The following GLB1L3 variants were observed in gnomAD, a reference collection of about 807,000 sequenced individuals.
The protein encoded by GLB1L3 is galactosidase beta 1 like 3.
A neutral mutation model predicts 89.5 loss-of-function variants in GLB1L3; 89 were observed. That is an observed-to-expected ratio of 0.99 (90% confidence interval 0.84 to 1.19). The LOEUF (loss-of-function observed/expected upper bound fraction) is 1.19, where lower values mean the gene tolerates loss of function less well. Ranked by LOEUF, GLB1L3 falls within the 50% of genes most tolerant of loss-of-function variation. GLB1L3 has a pLI of 0.00. For synonymous variants in GLB1L3, 314 were observed against 312.3 expected (o/e 1.01, Z -0.06); for missense variants, 812 against 813.3 (o/e 1.00, Z 0.02).
Position 134,276,504 on chromosome 11 carries a change from C to T in GLB1L3, c.-237C>T. 2 of 380,452 alleles carry T rather than the reference C, an allele frequency of 5.3e-6. No individual in the cohort carries two copies. The highest frequency in any genetic ancestry group is 9.3e-6 in the Non-Finnish European group (2 of 215,772). The allele number at this position is 380,452 out of a possible 1,614,324, so 23.6% of individuals were successfully genotyped here. ...CGCGCCCGGACGCACTGCGGGAACA[C>T]CTGGAGCGCCGGCGGAGCTCGGCTG... On this transcript the variant is annotated 5_prime_UTR_variant, in exon 1 of 20. Transcript: ENST00000431683.
chr11:134,308,386 CCAT>C (rs1942423973), intron 10 of GLB1L3, among the ~76,000 whole-genome samples: 4 of 70,948 alleles, frequency 5.6e-5, no homozygotes, highest in Non-Finnish European at 1.1e-4. Flanking sequence ...ACCATCACCA[CCAT>C]CACCACCATC....
chr11:134,285,755 G>C (rs1450837335), intron 6 of GLB1L3, among the ~76,000 whole-genome samples: 1 of 152,150 alleles, frequency 6.6e-6, no homozygotes, highest in Non-Finnish European at 1.5e-5. Context: ...CTGGGTGACA[G>C]AGCAAGACCT....
chr11:134,294,348 G>A (rs1452188365), intron 9 of GLB1L3, among the ~76,000 whole-genome samples: 2 of 152,174 alleles, frequency 1.3e-5, no homozygotes, highest in Non-Finnish European at 2.9e-5. Flanking sequence ...GATTACAGGT[G>A]TGAGCCACTG....
intron 9 of GLB1L3, among the ~76,000 whole-genome samples, chr11:134,301,663 A>G (rs955446553): frequency 7.9e-5 from 12 of 151,390 alleles, no homozygotes; most frequent in African/African-American, 2.9e-4. Flanking sequence ...TTTTTGGTTT[A>G]TTTTGCTGTT....
intron 9 of GLB1L3, among the ~76,000 whole-genome samples, chr11:134,295,736 T>C (rs975385876): frequency 6.6e-6 from 1 of 152,200 alleles, no homozygotes; most frequent in African/African-American, 2.4e-5. Context: ...TTTTCTAATA[T>C]AAGTATTTAT....
downstream of GLB1L3, among the ~76,000 whole-genome samples, chr11:134,320,675 C>T (rs944980241): frequency 6.6e-6 from 1 of 151,220 alleles, no homozygotes; most frequent in Non-Finnish European, 1.5e-5. Flanking sequence ...TTTCAGTGCA[C>T]TTAGAGAAAA....
intron 10 of GLB1L3, among the ~76,000 whole-genome samples, chr11:134,307,659 CAG>C (rs772436382): frequency 1.3e-5 from 2 of 150,422 alleles, no homozygotes; most frequent in African/African-American, 2.4e-5. Flanking sequence ...TAATAATAGT[CAG>C]GGGACAACAT....
intron 9 of GLB1L3, among the ~76,000 whole-genome samples, chr11:134,297,170 C>T (rs181827603): frequency 9.1e-4 from 139 of 152,252 alleles, no homozygotes; most frequent in African/African-American, 3.1e-3. Context: ...TTGTTCTGAA[C>T]TCTATTTTGA....
At position 134,319,112 on chromosome 11, in the gene GLB1L3, G is replaced by T; in HGVS notation, c.*170G>T. Reference sequence around the variant, plus strand: ...TGGGACTACAGGTGCACGCCACCACGCCTGGCTAATTTTTTGTATTTTTAG... The same window carrying T: ...TGGGACTACAGGTGCACGCCACCACTCCTGGCTAATTTTTTGTATTTTTAG... On this transcript the variant is annotated 3_prime_UTR_variant, in exon 20 of 20. Coordinates refer to ENST00000431683, the MANE Select transcript of GLB1L3 (RefSeq NM_001080407.3). 1.7e-6 allele frequency: 1 copy of T among 573,336 alleles called. No homozygotes were observed. The highest frequency in any genetic ancestry group is 3.0e-5 in the East Asian group (1 of 33,780). The allele number at this position is 573,336 out of a possible 1,614,324, so 35.5% of individuals were successfully genotyped here. A position where few individuals can be genotyped will look rare whatever the true frequency, so the allele number is the denominator to read the frequency against.
At chr11:134,296,765 G>A (rs1327890824) in intron 9 of GLB1L3, among the ~76,000 whole-genome samples, 6 of 150,144 alleles carry the variant, frequency 4.0e-5, no homozygotes, top group African/African-American at 9.8e-5. Flanking sequence ...TGGGTGCAGC[G>A]CACCAGCATG....
chr11:134,305,991 TA>T (rs969187044), intron 9 of GLB1L3, among the ~76,000 whole-genome samples: 3 of 152,126 alleles, frequency 2.0e-5, no homozygotes, highest in African/African-American at 7.2e-5. Flanking sequence ...CCCAACATCT[TA>T]TTAATACTGG....
chr11:134,278,968 G>T (rs1669258), intron 3 of GLB1L3, among the ~76,000 whole-genome samples: 67,848 of 152,010 alleles, frequency 0.45, 15,358 homozygotes, highest in South Asian at 0.5. Flanking sequence ...CTCTGAGATA[G>T]GCACACATTA....
intron 13 of GLB1L3, 25 bp from the exon 14 acceptor site, chr11:134,312,324 C>A: frequency 6.2e-7 from 1 of 1,611,388 alleles, no homozygotes; most frequent in East Asian, 2.2e-5. Context: ...CCTTGGACTT[C>A]TGCTCTTGCC....
Position 134,307,176 on chromosome 11 carries a change from G to T in GLB1L3, c.929G>T (p.Trp310Leu). The change falls in exon 10 of 20, where the codon TGG (tryptophan) becomes TTG (leucine). Residue 310 changes from tryptophan to leucine, a missense_variant. Transcript: ENST00000431683. ...MEYWVGWFDRWGDKHHVKDAK... is the reference protein window; with the variant it reads ...MEYWVGWFDRLGDKHHVKDAK... ...TACTGGGTCGGCTGGTTCGACAGATGGGGAGATAAGCACCATGTTAAAGAT... is the reference window on the plus strand; with the variant it reads ...TACTGGGTCGGCTGGTTCGACAGATTGGGAGATAAGCACCATGTTAAAGAT... The T allele has an allele frequency of 6.2e-7, 1 of 1,613,592 alleles. No homozygotes were observed. Among genetic ancestry groups the T allele is most frequent in the South Asian group, 1.1e-5 (1 of 90,994 alleles).
At chr11:134,297,663 C>A (rs1171696786) in intron 9 of GLB1L3, among the ~76,000 whole-genome samples, 2 of 151,782 alleles carry the variant, frequency 1.3e-5, no homozygotes, top group Non-Finnish European at 2.9e-5. Context: ...GAGTTTGAGA[C>A]CAGCCTGACC....
chr11:134,310,127 A>C (rs1273915228), intron 11 of GLB1L3: 2 of 389,116 alleles, frequency 5.1e-6, no homozygotes, highest in Non-Finnish European at 9.3e-6. Flanking sequence ...AGGGGTGTCC[A>C]CTCTTTTGGC....
rs1565413503 is a variant in GLB1L3 at position 134,308,395 on chromosome 11, CCATCACCAT to C, written c.961+1190_961+1198del. On this transcript the variant is annotated intron_variant, in intron 10 of 19. Coordinates refer to ENST00000431683, the MANE Select transcript of GLB1L3 (RefSeq NM_001080407.3). ...ACCACCACCATCACCACCATCACCA[CCATCACCAT>C]CACCACCACCACCATCATCACCATC... 7.5e-3 allele frequency among the ~76,000 whole-genome samples: 371 copies of C among 49,680 alleles called. 3 individuals carry two copies. Among genetic ancestry groups the C allele is most frequent in the African/African-American group, 0.015 (165 of 10,936 alleles). 32.6% of individuals were successfully genotyped at this position (49,680 alleles called of 152,430 possible). A position where few individuals can be genotyped will look rare whatever the true frequency, so the allele number is the denominator to read the frequency against.
Position 134,277,076 on chromosome 11 carries a change from C to G in GLB1L3, c.24-250C>G, listed in dbSNP as rs1591525780. The G allele has an allele frequency of 3.7e-5, 22 of 591,552 alleles. No individual in the cohort carries two copies. In the East Asian group the frequency reaches 6.3e-4, roughly 17 times the overall value. The allele number at this position is 591,552 out of a possible 1,614,324, so 36.6% of individuals were successfully genotyped here. ...CGCCTCCGCCTCTCCCAGGCACCCA[C>G]CGGCACTGCCCAGCCCTGTCTGGAG... On this transcript the variant is annotated intron_variant, in intron 1 of 19. Coordinates refer to ENST00000431683, the MANE Select transcript of GLB1L3 (RefSeq NM_001080407.3).
intron 7 of GLB1L3, 125 bp downstream of exon 7, chr11:134,289,015 A>G (rs1941185710): frequency 1.2e-5 from 8 of 661,736 alleles, no homozygotes; most frequent in Non-Finnish European, 2.0e-5. Flanking sequence ...GCCTGTGAAC[A>G]CGAGGTGCGG....
Sources: allele counts gnomAD v4.1 joint callset (sites outside exome capture counted in the v4.1 genomes callset), GRCh38; gene constraint gnomAD v4.1.1; transcripts MANE v1.5; gene names NCBI Gene and HGNC (gene_info 2026-07-23, HGNC 2026-07-21).